LRP2: variants seen among roughly 807,000 people sequenced by gnomAD.
LRP2 encodes the protein LDL receptor related protein 2.
In LRP2, 172 loss-of-function variants were observed where a neutral mutation model predicts 531.0. That is an observed-to-expected ratio of 0.32 (90% confidence interval 0.29 to 0.37). The LOEUF is 0.37. LRP2 is among the 10% of genes least tolerant of loss of function. The pLI is 1.00. For missense variants in LRP2, 5,167 were observed against 5,868.3 expected, an observed-to-expected ratio of 0.88 and a Z score of 3.90; for synonymous variants, 1,992 against 2,027.6, an observed-to-expected ratio of 0.98 and a Z score of 0.47.
intron 19 of LRP2, among the ~76,000 whole-genome samples, chr2:169,248,273 A>G (rs756895816): frequency 6.6e-6 from 1 of 152,244 alleles, no homozygotes; most frequent in Non-Finnish European, 1.5e-5. Context: ...AAAGAATTGC[A>G]TCAATGTGGA....
intron 13 of LRP2, 29 bp downstream of exon 13, chr2:169,277,716 A>G: frequency 6.3e-7 from 1 of 1,589,088 alleles, no homozygotes; most frequent in Non-Finnish European, 8.6e-7. Flanking sequence ...CAACTTATAA[A>G]GCCATAAGCC....
chr2:169,152,419 C>T (rs1686176450), intron 67 of LRP2, among the ~76,000 whole-genome samples: 1 of 152,182 alleles, frequency 6.6e-6, no homozygotes, highest in Non-Finnish European at 1.5e-5. Context: ...CATTTCTTCA[C>T]AAAATGAGCA....
At chr2:169,276,367 T>G (rs1334160471) in intron 13 of LRP2, among the ~76,000 whole-genome samples, 1 of 152,202 alleles carries the variant, frequency 6.6e-6, no homozygotes, top group East Asian at 1.9e-4. Flanking sequence ...GAAATTCCAT[T>G]GATTTTTATC....
At chr2:169,151,825 G>A (rs1319002422) in intron 67 of LRP2, among the ~76,000 whole-genome samples, 1 of 152,092 alleles carries the variant, frequency 6.6e-6, no homozygotes, top group African/African-American at 2.4e-5. Context: ...GTACTCTAAG[G>A]CCCTGTTTCT....
At chr2:169,307,048 T>C (rs1380643661) in intron 4 of LRP2, among the ~76,000 whole-genome samples, 1 of 152,164 alleles carries the variant, frequency 6.6e-6, no homozygotes, top group Non-Finnish European at 1.5e-5. Context: ...TTTCTTACTA[T>C]AAAAAATACA....
chr2:169,132,157 G>A (rs1215358546), intron 77 of LRP2, among the ~76,000 whole-genome samples: 1 of 152,158 alleles, frequency 6.6e-6, no homozygotes, highest in African/African-American at 2.4e-5. Context: ...GCAGGAGAGC[G>A]AAGAACAGCT....
chr2:169,328,266 C>T (rs1276321082), intron 1 of LRP2, among the ~76,000 whole-genome samples: 1 of 119,586 alleles, frequency 8.4e-6, no homozygotes. Flanking sequence ...CCCGGCCAGC[C>T]GCCCCGTCCG....
chr2:169,185,153 C>T lies in LRP2; in HGVS notation c.9845+350G>A, dbSNP rs111793812. Among the ~76,000 whole-genome samples, 546 of 152,252 alleles carry T rather than the reference C, an allele frequency of 3.6e-3. 2 individuals are homozygous for T. The highest frequency in any genetic ancestry group is 8.8e-3 in the African/African-American group (366 of 41,546). ...TCAAAACCCCTGCTGCTTGTCATCA[C>T]GCTGGGCATGTAGGAGGGACTCAGG... On this transcript the variant is annotated intron_variant, in intron 50 of 78. Transcript: ENST00000649046.
chr2:169,218,298 C>T (rs2105350000), intron 34 of LRP2, among the ~76,000 whole-genome samples: 1 of 152,250 alleles, frequency 6.6e-6, no homozygotes, highest in African/African-American at 2.4e-5. Context: ...GACCTTCCAT[C>T]CTTCATATCG....
intron 61 of LRP2, 57 bp downstream of exon 61, chr2:169,168,482 A>G: frequency 6.2e-7 from 1 of 1,606,618 alleles, no homozygotes; most frequent in Non-Finnish European, 8.5e-7. Flanking sequence ...CACGTAAGAA[A>G]CAATGAGATT....
intron 16 of LRP2, among the ~76,000 whole-genome samples, chr2:169,260,011 G>C (rs536324775): frequency 5.3e-4 from 80 of 152,172 alleles, no homozygotes; most frequent in African/African-American, 1.9e-3. Context: ...TAGATTAAAT[G>C]AGCACTTACT....
chr2:169,296,217 A>G (rs937052764), intron 4 of LRP2, among the ~76,000 whole-genome samples: 7 of 152,186 alleles, frequency 4.6e-5, no homozygotes, highest in Admixed American at 1.3e-4. Flanking sequence ...TAGTTTATTA[A>G]GTGTCCTTAA....
At chr2:169,265,948 T>C (rs1690782221) in intron 16 of LRP2, among the ~76,000 whole-genome samples, 1 of 152,020 alleles carries the variant, frequency 6.6e-6, no homozygotes, top group African/African-American at 2.4e-5. Flanking sequence ...GTTTTCTGTC[T>C]TTGTACAGGC....
chr2:169,178,977 A>G (rs1367698601), intron 52 of LRP2, among the ~76,000 whole-genome samples: 2 of 150,652 alleles, frequency 1.3e-5, no homozygotes, highest in Non-Finnish European at 3.0e-5. Flanking sequence ...GAAATTAGTC[A>G]CCATCTGATT....
At chr2:169,341,325 T>G (rs1285124366) in intron 1 of LRP2, among the ~76,000 whole-genome samples, 1 of 151,972 alleles carries the variant, frequency 6.6e-6, no homozygotes. Context: ...TAAAAAAAAA[T>G]TAAAATTAAA....
intron 28 of LRP2, among the ~76,000 whole-genome samples, chr2:169,236,832 T>C (rs1666924427): frequency 6.6e-6 from 1 of 152,234 alleles, no homozygotes; most frequent in Non-Finnish European, 1.5e-5. Flanking sequence ...TTTTTAATTA[T>C]ATGACATTTC....
At chr2:169,231,323 A>G (rs887083445) in intron 31 of LRP2, among the ~76,000 whole-genome samples, 15 of 151,078 alleles carry the variant, frequency 9.9e-5, no homozygotes, top group Non-Finnish European at 5.9e-5. Flanking sequence ...AGAAAGAAAA[A>G]AGAAAAAAAA....
chr2:169,169,578 C>T (rs1686915593), intron 60 of LRP2, 124 bp downstream of exon 60: 1 of 786,872 alleles, frequency 1.3e-6, no homozygotes, highest in African/African-American at 1.7e-5. Flanking sequence ...TGATCATTAT[C>T]AGTGCATGCT....
chr2:169,274,022 G>C (rs753345048), intron 14 of LRP2, among the ~76,000 whole-genome samples: 7 of 152,134 alleles, frequency 4.6e-5, no homozygotes, highest in Non-Finnish European at 7.4e-5. Context: ...AGATTCATCT[G>C]AATGTGTCAT....
Sources: allele counts gnomAD v4.1 joint callset (sites outside exome capture counted in the v4.1 genomes callset), GRCh38; gene constraint gnomAD v4.1.1; transcripts MANE v1.5; gene names NCBI Gene and HGNC (gene_info 2026-07-23, HGNC 2026-07-21).